Variants in VAT1L observed in about 807,000 individuals in gnomAD.
The protein encoded by VAT1L is putative NADPH-dependent quinone oxidoreductase VAT1L.
Under a neutral mutation model 44.1 loss-of-function variants are expected in VAT1L, and 34 were observed. The observed-to-expected ratio is 0.77, with a 90% CI of 0.59 to 1.03. The LOEUF is 1.03. Ranked by LOEUF, VAT1L falls within the 50% of genes least tolerant of loss-of-function variation. The pLI is 0.00. For synonymous variants in VAT1L, 253 were observed against 202.2 expected (o/e 1.25, Z -2.13); for missense variants, 615 against 538.8 (o/e 1.14, Z -1.40).
chr16:77,922,335 A>G lies in VAT1L; in HGVS notation c.1077+37533A>G, dbSNP rs185751715. 6.3e-4 allele frequency among the ~76,000 whole-genome samples: 96 copies of G among 152,312 alleles called. 1 individual carries two copies. Among genetic ancestry groups the G allele is most frequent in the Admixed American group, 5.9e-3 (90 of 15,300 alleles). ...CTGAGTTTCTCAGAGCCACAGAATT[A>G]TAGTAATTACCAAGGCCAGTTCCAT... is the stretch of plus-strand genomic sequence containing the variant. On this transcript the variant is annotated intron_variant, in intron 7 of 8. Coordinates refer to ENST00000302536, the MANE Select transcript of VAT1L (RefSeq NM_020927.3).
At chr16:77,878,891 A>G (rs1004924788) in intron 5 of VAT1L, among the ~76,000 whole-genome samples, 2 of 150,328 alleles carry the variant, frequency 1.3e-5, no homozygotes, top group Admixed American at 6.6e-5. Context: ...ATTTTATTCA[A>G]ACGTTGGCCT....
chr16:77,973,360 C>T (rs538436665), intron 8 of VAT1L, among the ~76,000 whole-genome samples: 35 of 152,262 alleles, frequency 2.3e-4, no homozygotes, highest in African/African-American at 8.4e-4. Flanking sequence ...TCTAGGCTCA[C>T]TGCAACCTCC....
At chr16:77,927,663 G>C (rs1207867586) in intron 7 of VAT1L, among the ~76,000 whole-genome samples, 1 of 151,978 alleles carries the variant, frequency 6.6e-6, no homozygotes, top group Non-Finnish European at 1.5e-5. Context: ...GGATCATGAG[G>C]TCAGGAGTTC....
chr16:77,858,340 G>A (rs2142439450), intron 3 of VAT1L, among the ~76,000 whole-genome samples: 1 of 152,290 alleles, frequency 6.6e-6, no homozygotes, highest in South Asian at 2.1e-4. Context: ...GAAAGCATGT[G>A]GGGAAACTGG....
chr16:77,881,557 T>A (rs890571118), intron 6 of VAT1L, among the ~76,000 whole-genome samples: 1 of 152,242 alleles, frequency 6.6e-6, no homozygotes, highest in African/African-American at 2.4e-5. Context: ...AGTATGGCAC[T>A]ATGTGCTATT....
At chr16:77,796,334 T>A (rs2015933408) in intron 1 of VAT1L, among the ~76,000 whole-genome samples, 1 of 152,158 alleles carries the variant, frequency 6.6e-6, no homozygotes, top group Non-Finnish European at 1.5e-5. Flanking sequence ...ATCTGCAGCA[T>A]CTTTGCAGTG....
chr16:77,825,546 A>G (rs1484764795), intron 3 of VAT1L, 85 bp downstream of exon 3: 11 of 1,429,124 alleles, frequency 7.7e-6, no homozygotes, highest in African/African-American at 1.4e-5. Context: ...TATGTGAGCT[A>G]TGTCCTTTAG....
intron 7 of VAT1L, among the ~76,000 whole-genome samples, chr16:77,910,675 A>C (rs1299636577): frequency 3.1e-4 from 2 of 6,450 alleles, no homozygotes; most frequent in Non-Finnish European, 5.9e-4. Context: ...CTCCTTCTCA[A>C]AAAAAAAAAA....
chr16:77,932,065 A>G (rs1036670684), intron 7 of VAT1L, among the ~76,000 whole-genome samples: 1 of 151,746 alleles, frequency 6.6e-6, no homozygotes, highest in Non-Finnish European at 1.5e-5. Context: ...TTTCATGGCA[A>G]GGAAGGAAAT....
chr16:77,912,275 G>A (rs1041094567), intron 7 of VAT1L, among the ~76,000 whole-genome samples: 1 of 152,158 alleles, frequency 6.6e-6, no homozygotes, highest in South Asian at 2.1e-4. Flanking sequence ...TACCATCAAG[G>A]TAGGGGTGAA....
intron 3 of VAT1L, among the ~76,000 whole-genome samples, chr16:77,857,762 C>G (rs1215089310): frequency 2.1e-5 from 3 of 144,022 alleles, no homozygotes; most frequent in Non-Finnish European, 4.6e-5. Flanking sequence ...TATCCATTAT[C>G]TAATACTCAC....
intron 1 of VAT1L, among the ~76,000 whole-genome samples, chr16:77,807,806 G>A (rs1231654361): frequency 1.3e-5 from 2 of 152,104 alleles, no homozygotes; most frequent in Non-Finnish European, 2.9e-5. Flanking sequence ...CCATTGTTGA[G>A]ATGGAAAAAC....
At chr16:77,825,581 T>C in intron 3 of VAT1L, 120 bp downstream of exon 3, 2 of 1,171,058 alleles carry the variant, frequency 1.7e-6, no homozygotes, top group Non-Finnish European at 2.4e-6. Context: ...ATGGTTCTGG[T>C]AGAGTTCACA....
Position 77,977,801 on chromosome 16 carries a change from T to G in VAT1L, c.*106T>G. On this transcript the variant is annotated 3_prime_UTR_variant, in exon 9 of 9. Transcript: ENST00000302536. Reference sequence around the variant, plus strand: ...AACAAATGCTGTAGTCCAGTGCGTGTCGTGTTTGTCTGCAGTCAGCTGAGC... The same window carrying G: ...AACAAATGCTGTAGTCCAGTGCGTGGCGTGTTTGTCTGCAGTCAGCTGAGC... 1 of 1,104,166 alleles carries G rather than the reference T, an allele frequency of 9.1e-7. No homozygotes were observed. Among genetic ancestry groups the G allele is most frequent in the Non-Finnish European group, 1.3e-6 (1 of 759,052 alleles). 68.4% of individuals were successfully genotyped at this position (1,104,166 alleles called of 1,614,324 possible). A position where few individuals can be genotyped will look rare whatever the true frequency, so the allele number is the denominator to read the frequency against.
chr16:77,848,036 G>T (rs961854433), intron 3 of VAT1L, among the ~76,000 whole-genome samples: 3 of 152,172 alleles, frequency 2.0e-5, no homozygotes, highest in African/African-American at 7.2e-5. Context: ...AACATGCTCA[G>T]ATTGGAAAAG....
At chr16:77,905,576 C>G (rs1260500385) in intron 7 of VAT1L, among the ~76,000 whole-genome samples, 1 of 152,158 alleles carries the variant, frequency 6.6e-6, no homozygotes, top group African/African-American at 2.4e-5. Flanking sequence ...TAAGTGTCCT[C>G]TGTTGTACCA....
chr16:77,837,960 T>G (rs1475606641), intron 3 of VAT1L, among the ~76,000 whole-genome samples: 1 of 152,172 alleles, frequency 6.6e-6, no homozygotes, highest in African/African-American at 2.4e-5. Flanking sequence ...GCAAACAGGT[T>G]AGGTTGACGG....
intron 7 of VAT1L, among the ~76,000 whole-genome samples, chr16:77,948,172 C>T (rs2017993882): frequency 6.6e-6 from 1 of 152,220 alleles, no homozygotes; most frequent in African/African-American, 2.4e-5. Context: ...TCCTCCCACA[C>T]TCTGTTGGAA....
chr16:77,842,142 C>T (rs2016713722), intron 3 of VAT1L, among the ~76,000 whole-genome samples: 1 of 152,202 alleles, frequency 6.6e-6, no homozygotes, highest in Admixed American at 6.5e-5. Context: ...CTGCCTTGGC[C>T]TCCCAAAGTG....
Sources: allele counts gnomAD v4.1 joint callset (sites outside exome capture counted in the v4.1 genomes callset), GRCh38; gene constraint gnomAD v4.1.1; transcripts MANE v1.5; gene names NCBI Gene and HGNC (gene_info 2026-07-23, HGNC 2026-07-21).